The following FUT8 variants were observed in gnomAD, a reference collection of about 807,000 sequenced individuals.
FUT8 encodes the protein fucosyltransferase 8.
A neutral mutation model predicts 71.3 loss-of-function variants in FUT8; 29 were observed. The observed-to-expected ratio is 0.41, with a 90% CI of 0.30 to 0.55. The LOEUF (loss-of-function observed/expected upper bound fraction) is 0.55, where lower values mean the gene tolerates loss of function less well. FUT8 is among the 20% of genes least tolerant of loss of function. The probability of loss-of-function intolerance (pLI) is 0.34; values close to 1 mark genes in which losing one functional copy is unlikely to be tolerated. For missense variants in FUT8, 544 were observed against 702.1 expected, an observed-to-expected ratio of 0.77 and a Z score of 2.55; for synonymous variants, 254 against 239.3, an observed-to-expected ratio of 1.06 and a Z score of -0.57.
intron 1 of FUT8, among the ~76,000 whole-genome samples, chr14:65,431,364 G>C (rs545795845): frequency 5.6e-4 from 80 of 142,694 alleles, no homozygotes; most frequent in Non-Finnish European, 1.1e-3. Flanking sequence ...AGACTAAGGG[G>C]AGTGGCGCAA....
Position 65,742,475 on chromosome 14 carries a change from C to A in FUT8, c.*65C>A. 1 of 1,361,926 alleles carries A rather than the reference C, an allele frequency of 7.3e-7. No homozygotes were observed. Among genetic ancestry groups the A allele is most frequent in the South Asian group, 1.4e-5 (1 of 73,674 alleles). The allele number at this position is 1,361,926 out of a possible 1,614,324, so 84.4% of individuals were successfully genotyped here. On this transcript the variant is annotated 3_prime_UTR_variant, in exon 11 of 11. Transcript: ENST00000673929. ...CCAAACTCAGTTCAAACCATTTCAG[C>A]CAAACTGTAGATGAAGAGGGCTCTG...
intron 2 of FUT8, among the ~76,000 whole-genome samples, chr14:65,541,602 TC>T (rs1406042340): frequency 2.1e-4 from 32 of 152,242 alleles, no homozygotes; most frequent in African/African-American, 7.5e-4. Flanking sequence ...ATTCAGGTGG[TC>T]CTCAAAGGAC....
At chr14:65,370,649 AATTATAT>A in the FUT8 span, among the ~76,000 whole-genome samples, 1 of 150,730 alleles carries the variant, frequency 6.6e-6, no homozygotes, top group Admixed American at 6.6e-5. Context: ...TCTATATATA[AATTATAT>A]ATTATGTATA....
chr14:65,712,951 T>C (rs1894877422), intron 7 of FUT8, among the ~76,000 whole-genome samples: 1 of 152,166 alleles, frequency 6.6e-6, no homozygotes, highest in Non-Finnish European at 1.5e-5. Context: ...AATGTACAGT[T>C]AAATTATCAT....
intron 2 of FUT8, among the ~76,000 whole-genome samples, chr14:65,480,661 C>A (rs2066316967): frequency 6.6e-6 from 1 of 151,602 alleles, no homozygotes; most frequent in East Asian, 1.9e-4. Context: ...GGGTATGTAT[C>A]CAGAAGTGGA....
At chr14:65,526,214 T>A (rs940494950) in intron 2 of FUT8, among the ~76,000 whole-genome samples, 1 of 152,154 alleles carries the variant, frequency 6.6e-6, no homozygotes, top group African/African-American at 2.4e-5. Context: ...TTTGTAGGTC[T>A]CTAAGGACTT....
In FUT8 at chr14:65,641,489, C is replaced by T. The variant is rs532125574; in HGVS notation, c.597+11883C>T. On this transcript the variant is annotated intron_variant, in intron 6 of 10. Transcript: ENST00000673929. ...TGTGAATATTTATGTACAAGCCTTT[C>T]TGTGGGCATATACTTCCATTTTTCT... Among the ~76,000 whole-genome samples, 18 of 152,256 alleles carry T rather than the reference C, an allele frequency of 1.2e-4. No individual in the cohort carries two copies. In the East Asian group the frequency reaches 3.3e-3, roughly 28 times the overall value.
chr14:65,479,231 T>G (rs1230586201), intron 2 of FUT8, among the ~76,000 whole-genome samples: 1 of 152,248 alleles, frequency 6.6e-6, no homozygotes, highest in African/African-American at 2.4e-5. Context: ...GGCGTCTATA[T>G]CCATACATGT....
the FUT8 span, among the ~76,000 whole-genome samples, chr14:65,389,616 G>A: frequency 2.6e-5 from 4 of 151,766 alleles, no homozygotes; most frequent in African/African-American, 9.7e-5. Flanking sequence ...CCCAGCCCTG[G>A]CTAATTTTTA....
At chr14:65,688,520 C>CAAAAAAAAAAAAA (rs34293733) in intron 7 of FUT8, among the ~76,000 whole-genome samples, 1 of 55,130 alleles carries the variant, frequency 1.8e-5, no homozygotes, top group African/African-American at 7.5e-5. Flanking sequence ...ATCCACATGC[C>CAAAAAAAAAAAAA]AAAAAAAAAA....
chr14:65,677,114 TTGTGTGTGTGTG>T (rs1555383258), intron 7 of FUT8, among the ~76,000 whole-genome samples: 10 of 110,214 alleles, frequency 9.1e-5, no homozygotes, highest in Admixed American at 1.9e-4. Context: ...AAAGACATAT[TTGTGTGTGTGTG>T]TGTGTGTGTG....
chr14:65,372,175 A>T, the FUT8 span, among the ~76,000 whole-genome samples: 8 of 151,988 alleles, frequency 5.3e-5, no homozygotes, highest in South Asian at 1.7e-3. Context: ...CCCCTACACA[A>T]ATTCTTTTCT....
intron 10 of FUT8, 100 bp downstream of exon 10, chr14:65,733,481 T>C: frequency 1.1e-6 from 1 of 875,234 alleles, no homozygotes; most frequent in Non-Finnish European, 1.7e-6. Flanking sequence ...TGTTCATTAT[T>C]GTGACTCAGG....
intron 5 of FUT8, among the ~76,000 whole-genome samples, chr14:65,620,803 C>T (rs1889569438): frequency 6.6e-6 from 1 of 152,134 alleles, no homozygotes; most frequent in African/African-American, 2.4e-5. Flanking sequence ...TTTGTTTCAA[C>T]AAAATGTTTT....
At chr14:65,458,015 T>G (rs1426275794) in intron 2 of FUT8, 1 of 151,814 alleles carries the variant, frequency 6.6e-6, no homozygotes, top group Non-Finnish European at 1.5e-5. Flanking sequence ...ACCCCGTCTC[T>G]ACTAAAAATA....
intron 1 of FUT8, among the ~76,000 whole-genome samples, chr14:65,438,733 T>C (rs1177497115): frequency 6.6e-6 from 1 of 152,204 alleles, no homozygotes; most frequent in Non-Finnish European, 1.5e-5. Flanking sequence ...TCTTCCCTTC[T>C]GCTTCCTGTT....
rs60967671 is a variant in FUT8, at chr14:65,643,665, TACACACACACACACACACACACAC to T, written c.597+14086_597+14109del. On this transcript the variant is annotated intron_variant, in intron 6 of 10. Transcript: ENST00000673929. The surrounding 1 kb of genome is among the most constrained non-coding windows in gnomAD (Gnocchi z 4.5). ...CGAGACTCCGTCTTTAAAAAAAAAATACACACACACACACACACACACACACACACACACACACACACACACACA... is the reference window on the plus strand; with the variant it reads ...CGAGACTCCGTCTTTAAAAAAAAAATACACACACACACACACACACACACA... Among the ~76,000 whole-genome samples, 8 of 124,712 alleles carry T rather than the reference TACACACACACACACACACACACAC, an allele frequency of 6.4e-5. No individual in the cohort carries two copies. Among genetic ancestry groups the T allele is most frequent in the East Asian group, 2.6e-4 (1 of 3,838 alleles). 81.8% of individuals were successfully genotyped at this position (124,712 alleles called of 152,430 possible). A position where few individuals can be genotyped will look rare whatever the true frequency, so the allele number is the denominator to read the frequency against.
At chr14:65,615,194 A>C (rs1407777209) in intron 3 of FUT8, among the ~76,000 whole-genome samples, 1 of 152,154 alleles carries the variant, frequency 6.6e-6, no homozygotes, top group Non-Finnish European at 1.5e-5. Flanking sequence ...ACTATGGTTC[A>C]AGGATGGTTC....
At chr14:65,478,357 A>T (rs1427131513) in intron 2 of FUT8, among the ~76,000 whole-genome samples, 1 of 152,042 alleles carries the variant, frequency 6.6e-6, no homozygotes, top group African/African-American at 2.4e-5. Context: ...CCGACGTGAC[A>T]CTCTGAAGAA....
Sources: allele counts gnomAD v4.1 joint callset (sites outside exome capture counted in the v4.1 genomes callset), GRCh38; gene constraint gnomAD v4.1.1; non-coding constraint Gnocchi (gnomAD v3.1); transcripts MANE v1.5; gene names NCBI Gene and HGNC (gene_info 2026-07-23, HGNC 2026-07-21).